The following JAKMIP2 variants were observed in gnomAD, a reference collection of about 807,000 sequenced individuals.
JAKMIP2 encodes the protein janus kinase and microtubule-interacting protein 2.
In JAKMIP2, 25 loss-of-function variants were observed where a neutral mutation model predicts 115.0. The ratio of observed to expected loss-of-function variants is 0.22; its 90% confidence interval spans 0.16 to 0.30. The LOEUF (loss-of-function observed/expected upper bound fraction) is 0.30. Ranked by LOEUF, JAKMIP2 falls within the 10% of genes least tolerant of loss-of-function variation. The pLI, the probability that JAKMIP2 is intolerant of heterozygous loss-of-function variation, is 1.00. For synonymous variants in JAKMIP2, 334 were observed against 343.6 expected (o/e 0.97, Z 0.31); for missense variants, 642 against 957.6 (o/e 0.67, Z 4.35).
rs112551974 is a variant in JAKMIP2 at position 147,608,373 on chromosome 5, G to A, written c.2412+3933C>T. Reference sequence around the variant, plus strand: ...TGTCCCAGAGATTCTGTTATGTTGTGTCTTTGTTCTCATTGGTTTCAAATA... The same window carrying A: ...TGTCCCAGAGATTCTGTTATGTTGTATCTTTGTTCTCATTGGTTTCAAATA... On this transcript the variant is annotated intron_variant, in intron 20 of 21. Transcript: ENST00000616793. 6.4e-3 allele frequency among the ~76,000 whole-genome samples: 980 copies of A among 152,214 alleles called. 54 individuals carry two copies. The East Asian group carries it at 0.13, about 20-fold the overall frequency.
intron 1 of JAKMIP2, among the ~76,000 whole-genome samples, chr5:147,779,765 T>G (rs1476952137): frequency 6.6e-6 from 1 of 152,094 alleles, no homozygotes; most frequent in Non-Finnish European, 1.5e-5. Flanking sequence ...CTCTCTCAAA[T>G]AAATGACTCA....
chr5:147,607,931 A>G (rs1441000058), intron 20 of JAKMIP2, among the ~76,000 whole-genome samples: 1 of 152,014 alleles, frequency 6.6e-6, no homozygotes, highest in East Asian at 1.9e-4. Context: ...GAATTTATCA[A>G]TTTCTTCTAG....
chr5:147,640,366 A>G (rs1048032905), intron 9 of JAKMIP2, among the ~76,000 whole-genome samples: 1 of 152,084 alleles, frequency 6.6e-6, no homozygotes, highest in Admixed American at 6.6e-5. Context: ...CACAGAACAC[A>G]CTTCACTCAA....
At position 147,782,569 on chromosome 5, in the gene JAKMIP2, G is replaced by GTTT; in HGVS notation, c.-265_-263dup. ...AACCCAACATCAGCAGTGGCTGCCG[G>GTTT]TTTTTTTTTTCCCTCTGTCTCTGGT... is the stretch of plus-strand genomic sequence containing the variant. On this transcript the variant is annotated 5_prime_UTR_variant, in exon 1 of 22. Coordinates refer to ENST00000616793, the MANE Select transcript of JAKMIP2 (RefSeq NM_001270941.2). 1.9e-6 allele frequency: 2 copies of GTTT among 1,039,586 alleles called. No individual in the cohort carries two copies. The highest frequency in any genetic ancestry group is 2.8e-6 in the Non-Finnish European group (2 of 722,330). 64.4% of individuals were successfully genotyped at this position (1,039,586 alleles called of 1,614,324 possible). A position where few individuals can be genotyped will look rare whatever the true frequency, so the allele number is the denominator to read the frequency against.
At chr5:147,610,439 C>T (rs1036093124) in intron 20 of JAKMIP2, among the ~76,000 whole-genome samples, 1 of 152,172 alleles carries the variant, frequency 6.6e-6, no homozygotes, top group Non-Finnish European at 1.5e-5. Flanking sequence ...CAGTCAGGCC[C>T]CTCTGCTGCA....
chr5:147,647,777 T>C (rs1758198563), intron 5 of JAKMIP2, among the ~76,000 whole-genome samples: 1 of 152,154 alleles, frequency 6.6e-6, no homozygotes, highest in South Asian at 2.1e-4. Flanking sequence ...ACATCCATAC[T>C]CTAACATCCA....
At chr5:147,703,476 C>T (rs1474772348) in intron 1 of JAKMIP2, among the ~76,000 whole-genome samples, 3 of 152,010 alleles carry the variant, frequency 2.0e-5, no homozygotes, top group South Asian at 2.1e-4. Flanking sequence ...GGTGAGTGAA[C>T]GTGAAGACCT....
At chr5:147,685,396 G>C (rs1325127550) in intron 1 of JAKMIP2, among the ~76,000 whole-genome samples, 2 of 152,148 alleles carry the variant, frequency 1.3e-5, no homozygotes, top group Non-Finnish European at 2.9e-5. Flanking sequence ...CTTAGTATAA[G>C]CTAGGCACTA....
intron 3 of JAKMIP2, 130 bp downstream of exon 3, chr5:147,660,818 G>C: frequency 1.0e-6 from 1 of 985,620 alleles, no homozygotes; most frequent in Non-Finnish European, 1.5e-6. Context: ...CTTGGATAGA[G>C]CACTGGACAA....
At chr5:147,749,930 C>A (rs1561575150) in intron 1 of JAKMIP2, among the ~76,000 whole-genome samples, 1 of 152,168 alleles carries the variant, frequency 6.6e-6, no homozygotes, top group Admixed American at 6.5e-5. Context: ...CCATTCCAAA[C>A]CAGTTTCCCC....
At chr5:147,624,788 A>AT (rs1757018276) in intron 16 of JAKMIP2, among the ~76,000 whole-genome samples, 2 of 152,092 alleles carry the variant, frequency 1.3e-5, no homozygotes, top group African/African-American at 4.8e-5. Flanking sequence ...CTTGGCCGTA[A>AT]TTTCAATTCC....
intron 1 of JAKMIP2, among the ~76,000 whole-genome samples, chr5:147,774,754 A>G (rs1276108424): frequency 6.6e-6 from 1 of 152,128 alleles, no homozygotes; most frequent in Non-Finnish European, 1.5e-5. Flanking sequence ...AGAGCCAGGT[A>G]AGAAATGCGG....
At chr5:147,615,857 A>G (rs1756547904) in intron 19 of JAKMIP2, among the ~76,000 whole-genome samples, 1 of 152,204 alleles carries the variant, frequency 6.6e-6, no homozygotes, top group African/African-American at 2.4e-5. Context: ...TGATGGAGTC[A>G]GATTCACACA....
At chr5:147,712,838 C>T (rs1346000276) in intron 1 of JAKMIP2, among the ~76,000 whole-genome samples, 1 of 152,174 alleles carries the variant, frequency 6.6e-6, no homozygotes. Flanking sequence ...CAAACACAGA[C>T]GTTTCTCTTC....
In JAKMIP2 at chr5:147,589,964, A is replaced by T. The variant is rs1755034617; in HGVS notation, c.*1743T>A. ...CACCTCTTGTTCTAAAATTGCAAAT[A>T]AAACTTTATGAAAAAGCATTTTAAC... On this transcript the variant is annotated 3_prime_UTR_variant, in exon 22 of 22. Transcript: ENST00000616793. 1 of 152,250 alleles carries T rather than the reference A, an allele frequency of 6.6e-6. No homozygotes were observed. The highest frequency in any genetic ancestry group is 2.4e-5 in the African/African-American group (1 of 41,458). 9.4% of individuals were successfully genotyped at this position (152,250 alleles called of 1,614,324 possible).
At chr5:147,661,599 G>C (rs1220541913) in intron 2 of JAKMIP2, 154 bp from the exon 3 acceptor site, 1 of 680,936 alleles carries the variant, frequency 1.5e-6, no homozygotes, top group Non-Finnish European at 2.5e-6. Flanking sequence ...TACAGGCCTT[G>C]AAGCTGGGAA....
In JAKMIP2 at chr5:147,590,261, C is replaced by T. The variant is rs1755048819; in HGVS notation, c.*1446G>A. 6.6e-6 allele frequency: 1 copy of T among 152,142 alleles called. No individual in the cohort carries two copies. The highest frequency in any genetic ancestry group is 1.5e-5 in the Non-Finnish European group (1 of 68,038). 9.4% of individuals were successfully genotyped at this position (152,142 alleles called of 1,614,324 possible). A position where few individuals can be genotyped will look rare whatever the true frequency, so the allele number is the denominator to read the frequency against. ...TCTCTATGCATGGGAATTCTAGCCC[C>T]ATAAATAAAACTTCAAAAATTTGAA... On this transcript the variant is annotated 3_prime_UTR_variant, in exon 22 of 22. Transcript: ENST00000616793.
chr5:147,715,094 C>T (rs1375407088), intron 1 of JAKMIP2, among the ~76,000 whole-genome samples: 4 of 151,796 alleles, frequency 2.6e-5, no homozygotes, highest in African/African-American at 7.2e-5. Context: ...GTATGTATTA[C>T]AATTATTCTT....
chr5:147,729,069 C>T (rs1753623981), intron 1 of JAKMIP2, among the ~76,000 whole-genome samples: 1 of 152,136 alleles, frequency 6.6e-6, no homozygotes. Context: ...AACAGTTTTA[C>T]ATGCAAGGTG....
Sources: allele counts gnomAD v4.1 joint callset (sites outside exome capture counted in the v4.1 genomes callset), GRCh38; gene constraint gnomAD v4.1.1; transcripts MANE v1.5; gene names NCBI Gene and HGNC (gene_info 2026-07-23, HGNC 2026-07-21).